The following CTNNA3 variants were observed in gnomAD, a reference collection of about 807,000 sequenced individuals.
CTNNA3 encodes the protein catenin alpha-3.
CTNNA3 carries 76 observed loss-of-function variants against 95.7 expected under a neutral mutation model. That is an observed-to-expected ratio of 0.79 (90% CI 0.66 to 0.96). The LOEUF is 0.96. Among genes scored for constraint, CTNNA3 ranks in the 40% least tolerant of loss-of-function variants. The pLI, the probability that CTNNA3 is intolerant of heterozygous loss-of-function variation, is 0.00. For synonymous variants in CTNNA3, 431 were observed against 374.4 expected (o/e 1.15, Z -1.74); for missense variants, 1,191 against 1,089.8 (o/e 1.09, Z -1.31).
chr10:66,335,780 T>C (rs1052124842), intron 12 of CTNNA3, among the ~76,000 whole-genome samples: 2 of 152,152 alleles, frequency 1.3e-5, no homozygotes, highest in African/African-American at 4.8e-5. Flanking sequence ...CATTTAAGTC[T>C]GCAGAGGTTT....
intron 7 of CTNNA3, among the ~76,000 whole-genome samples, chr10:66,887,575 T>C (rs190110287): frequency 0.016 from 2,453 of 152,206 alleles, 49 homozygotes; most frequent in African/African-American, 0.056. Flanking sequence ...TCAGGGCCAA[T>C]GTACCCGAGA....
At chr10:66,487,089 A>C (rs1242973810) in intron 11 of CTNNA3, among the ~76,000 whole-genome samples, 1 of 150,146 alleles carries the variant, frequency 6.7e-6, no homozygotes, top group Non-Finnish European at 1.5e-5. Flanking sequence ...ACTTTCTGTT[A>C]TAAGACGAAT....
chr10:66,797,158 A>C (rs1841233628), intron 7 of CTNNA3, among the ~76,000 whole-genome samples: 1 of 151,674 alleles, frequency 6.6e-6, no homozygotes, highest in Non-Finnish European at 1.5e-5. Context: ...TGTTTTCTTT[A>C]TTTATTCTCA....
intron 11 of CTNNA3, among the ~76,000 whole-genome samples, chr10:66,440,537 C>T (rs2131784562): frequency 6.6e-6 from 1 of 152,216 alleles, no homozygotes; most frequent in East Asian, 1.9e-4. Context: ...TTCCTTAGGG[C>T]CTCAAGCTCT....
At chr10:66,582,164 T>A (rs977123335) in intron 10 of CTNNA3, among the ~76,000 whole-genome samples, 1 of 151,902 alleles carries the variant, frequency 6.6e-6, no homozygotes, top group African/African-American at 2.4e-5. Flanking sequence ...GGATTGATTT[T>A]TCTAATTCTG....
intron 7 of CTNNA3, among the ~76,000 whole-genome samples, chr10:66,918,057 C>T (rs991918161): frequency 6.6e-6 from 1 of 152,124 alleles, no homozygotes; most frequent in African/African-American, 2.4e-5. Flanking sequence ...GGAATTTGTT[C>T]TGAAAGAAAA....
chr10:66,930,705 C>T (rs1225251923), intron 7 of CTNNA3, among the ~76,000 whole-genome samples: 1 of 152,044 alleles, frequency 6.6e-6, no homozygotes, highest in East Asian at 1.9e-4. Context: ...TCCTAAAATT[C>T]AAAGCTACTT....
At chr10:67,247,865 C>A (rs1393327087) in intron 5 of CTNNA3, among the ~76,000 whole-genome samples, 1 of 152,198 alleles carries the variant, frequency 6.6e-6, no homozygotes, top group East Asian at 1.9e-4. Context: ...AAAAAGAATT[C>A]CCAGTTTCAA....
At chr10:67,653,386 C>A (rs2133498802) in intron 1 of CTNNA3, among the ~76,000 whole-genome samples, 1 of 152,318 alleles carries the variant, frequency 6.6e-6, no homozygotes, top group South Asian at 2.1e-4. Flanking sequence ...AATATCCAAA[C>A]TACATATGTC....
intron 9 of CTNNA3, among the ~76,000 whole-genome samples, chr10:66,629,802 T>C (rs1333615568): frequency 6.6e-6 from 1 of 152,124 alleles, no homozygotes; most frequent in Non-Finnish European, 1.5e-5. Context: ...TGTTCTCTGT[T>C]GGCTGGAATG....
At position 66,965,512 on chromosome 10, in the gene CTNNA3, C is replaced by T. The variant is rs561530634; in HGVS notation, c.1048-189988G>A. On this transcript the variant is annotated intron_variant, in intron 7 of 17. Coordinates refer to ENST00000433211, the MANE Select transcript of CTNNA3 (RefSeq NM_013266.4). Reference sequence around the variant, plus strand: ...ATCGCACCACTGCACTCCAGCCTGGCGACAGAGCAAGACTCCGTCTCAAAA... The same window carrying T: ...ATCGCACCACTGCACTCCAGCCTGGTGACAGAGCAAGACTCCGTCTCAAAA... Among the ~76,000 whole-genome samples the T allele has an allele frequency of 7.6e-5, 11 of 144,422 alleles. No homozygotes were observed. The South Asian group carries it at 1.1e-3, about 14-fold the overall frequency. The allele number at this position is 144,422 out of a possible 152,430, so 94.7% of individuals were successfully genotyped here.
intron 11 of CTNNA3, among the ~76,000 whole-genome samples, chr10:66,444,618 A>G (rs1013930772): frequency 6.6e-6 from 1 of 152,130 alleles, no homozygotes; most frequent in African/African-American, 2.4e-5. Flanking sequence ...ACAGACAAGC[A>G]AATGCTGAGA....
intron 15 of CTNNA3, among the ~76,000 whole-genome samples, chr10:66,065,355 A>G (rs1048868331): frequency 3.3e-5 from 5 of 151,250 alleles, no homozygotes; most frequent in African/African-American, 1.2e-4. Flanking sequence ...CTTTCCCTTC[A>G]GCCTAAAATA....
intron 9 of CTNNA3, among the ~76,000 whole-genome samples, chr10:66,755,145 C>G (rs1243840946): frequency 2.0e-5 from 3 of 152,134 alleles, no homozygotes; most frequent in Non-Finnish European, 4.4e-5. Context: ...GAATGAAGTA[C>G]TGATGCATGC....
At chr10:66,690,586 T>C (rs1382914615) in intron 9 of CTNNA3, among the ~76,000 whole-genome samples, 1 of 151,928 alleles carries the variant, frequency 6.6e-6, no homozygotes, top group Non-Finnish European at 1.5e-5. Flanking sequence ...TTTGGTTTTT[T>C]GTTCTTGCGA....
intron 2 of CTNNA3, among the ~76,000 whole-genome samples, chr10:67,611,317 C>CTT (rs758580479): frequency 2.1e-5 from 3 of 144,094 alleles, no homozygotes; most frequent in African/African-American, 5.1e-5. Context: ...AATATGTTGA[C>CTT]TTTTTTTTTT....
chr10:67,222,010 T>A (rs1864684308), intron 5 of CTNNA3, among the ~76,000 whole-genome samples: 1 of 152,178 alleles, frequency 6.6e-6, no homozygotes, highest in Non-Finnish European at 1.5e-5. Context: ...TGCAAGGAGA[T>A]AGAAACTAGT....
intron 3 of CTNNA3, among the ~76,000 whole-genome samples, chr10:67,556,627 T>C (rs1841265800): frequency 1.3e-5 from 2 of 152,246 alleles, no homozygotes; most frequent in South Asian, 4.1e-4. Flanking sequence ...TTATTGCATC[T>C]ATTTGATTCT....
chr10:67,384,327 T>C (rs187815591), intron 5 of CTNNA3, among the ~76,000 whole-genome samples: 1 of 152,322 alleles, frequency 6.6e-6, no homozygotes, highest in Admixed American at 6.5e-5. Context: ...TTTTTCTCAT[T>C]GCTTAAGGAA....
Sources: gnomAD v4.1 joint callset for allele counts (sites outside exome capture counted in the v4.1 genomes callset) on GRCh38, gnomAD v4.1.1 for gene constraint, MANE v1.5 for transcripts, NCBI Gene and HGNC (gene_info 2026-07-23, HGNC 2026-07-21) for gene names.